The following PTPRD variants were observed in gnomAD, a reference collection of about 807,000 sequenced individuals.
PTPRD encodes protein tyrosine phosphatase receptor type D, also known as receptor-type tyrosine-protein phosphatase delta.
Under a neutral mutation model 214.5 loss-of-function variants are expected in PTPRD, and 34 were observed. The ratio of observed to expected loss-of-function variants is 0.16; its 90% confidence interval spans 0.12 to 0.21. The LOEUF is 0.21. Among genes scored for constraint, PTPRD ranks in the 10% least tolerant of loss-of-function variants. PTPRD has a pLI of 1.00. For synonymous variants in PTPRD, 1,128 were observed against 845.7 expected (o/e 1.33, Z -5.79); for missense variants, 2,545 against 2,398.7 (o/e 1.06, Z -1.27).
chr9:8,660,332 T>C (rs73640934), intron 12 of PTPRD, among the ~76,000 whole-genome samples: 1,698 of 152,266 alleles, frequency 0.011, 33 homozygotes, highest in African/African-American at 0.038. Context: ...ATGTATTATT[T>C]GTTTTCCTTT....
At chr9:9,262,694 A>G (rs1337936900) in intron 9 of PTPRD, among the ~76,000 whole-genome samples, 2 of 151,662 alleles carry the variant, frequency 1.3e-5, no homozygotes, top group African/African-American at 4.8e-5. Context: ...GAAAAATCAG[A>G]GGTTCTTTTA....
chr9:10,321,835 A>G (rs2096558353), intron 3 of PTPRD, among the ~76,000 whole-genome samples: 1 of 152,062 alleles, frequency 6.6e-6, no homozygotes, highest in African/African-American at 2.4e-5. Flanking sequence ...ATTACTGAAT[A>G]TCATGGGTAA....
At chr9:9,745,279 C>T (rs2098445868) in intron 6 of PTPRD, among the ~76,000 whole-genome samples, 1 of 152,002 alleles carries the variant, frequency 6.6e-6, no homozygotes, top group African/African-American at 2.4e-5. Context: ...GCCTTAAATG[C>T]TGTGGACTAT....
intron 14 of PTPRD, among the ~76,000 whole-genome samples, chr9:8,531,553 G>A (rs2075698337): frequency 6.6e-6 from 1 of 152,044 alleles, no homozygotes; most frequent in African/African-American, 2.4e-5. Context: ...AAAGCTCTTA[G>A]ATTTTGTTGT....
chr9:9,707,518 T>TG (rs1420492837), intron 7 of PTPRD, among the ~76,000 whole-genome samples: 5 of 152,122 alleles, frequency 3.3e-5, no homozygotes, highest in African/African-American at 1.2e-4. Flanking sequence ...TAAACAATGC[T>TG]GGCATACTCA....
intron 39 of PTPRD, among the ~76,000 whole-genome samples, chr9:8,370,659 G>GAATC (rs2081267298): frequency 1.3e-5 from 2 of 151,812 alleles, no homozygotes; most frequent in Admixed American, 1.3e-4. Context: ...ATGTGGTATG[G>GAATC]AATCAGAAAG....
chr9:8,839,570 C>G (rs901800962), intron 11 of PTPRD, among the ~76,000 whole-genome samples: 3 of 152,154 alleles, frequency 2.0e-5, no homozygotes, highest in Non-Finnish European at 4.4e-5. Context: ...AGTGATCCAC[C>G]CACCTTGGCC....
rs559129659 is a variant in PTPRD, at chr9:10,450,544, C to T, written c.-599-109527G>A. Among the ~76,000 whole-genome samples, 7 of 152,042 alleles carry T rather than the reference C, an allele frequency of 4.6e-5. No individual in the cohort carries two copies. The East Asian group carries it at 5.8e-4, about 13-fold the overall frequency. The stretch of plus-strand genomic sequence containing the variant: ...TCCCTAATCTGTAGTTTATATTTTA[C>T]GAATCCTTAGGTATGCAAAAACTGA... On this transcript the variant is annotated intron_variant, in intron 2 of 45. Transcript: ENST00000381196.
At chr9:10,455,720 A>G (rs1012961660) in intron 2 of PTPRD, among the ~76,000 whole-genome samples, 11 of 151,776 alleles carry the variant, frequency 7.2e-5, no homozygotes, top group African/African-American at 2.7e-4. Flanking sequence ...ATTCTGTGAA[A>G]TGATTGGTAA....
chr9:9,762,767 A>G (rs2098670555), intron 6 of PTPRD, among the ~76,000 whole-genome samples: 1 of 152,242 alleles, frequency 6.6e-6, no homozygotes, highest in African/African-American at 2.4e-5. Context: ...ATGTGAAGAC[A>G]CTTCCAGATT....
At chr9:8,774,764 C>T (rs144278273) in intron 11 of PTPRD, among the ~76,000 whole-genome samples, 6,395 of 152,066 alleles carry the variant, frequency 0.042, 309 homozygotes, top group African/African-American at 0.12. Context: ...AAACTCCCAA[C>T]CTCAGGTGAT....
intron 8 of PTPRD, among the ~76,000 whole-genome samples, chr9:9,416,151 C>G (rs1159610478): frequency 2.6e-5 from 4 of 152,116 alleles, no homozygotes; most frequent in South Asian, 2.1e-4. Context: ...AGCTTCCATC[C>G]TCTCATTTCT....
intron 11 of PTPRD, among the ~76,000 whole-genome samples, chr9:8,992,874 G>A (rs1386350973): frequency 6.6e-6 from 1 of 152,128 alleles, no homozygotes; most frequent in African/African-American, 2.4e-5. Flanking sequence ...CAAGCTTGGA[G>A]GTAATATGGC....
At chr9:10,439,193 G>C (rs571810416) in intron 2 of PTPRD, among the ~76,000 whole-genome samples, 1 of 151,676 alleles carries the variant, frequency 6.6e-6, no homozygotes, top group Non-Finnish European at 1.5e-5. Flanking sequence ...AGAGACCTTC[G>C]TTCAGACTCC....
intron 4 of PTPRD, among the ~76,000 whole-genome samples, chr9:9,943,117 C>T (rs1603228917): frequency 1.3e-5 from 2 of 152,038 alleles, no homozygotes. Context: ...GAGACAATAT[C>T]GTAGTACAAT....
chr9:8,958,141 A>G (rs538191609), intron 11 of PTPRD, among the ~76,000 whole-genome samples: 1 of 151,988 alleles, frequency 6.6e-6, no homozygotes, highest in South Asian at 2.1e-4. Context: ...CAGGTGCTAA[A>G]TGTGTGCTTT....
intron 5 of PTPRD, among the ~76,000 whole-genome samples, chr9:9,898,063 G>A (rs934648970): frequency 6.6e-5 from 10 of 152,076 alleles, no homozygotes; most frequent in Admixed American, 6.6e-4. Flanking sequence ...TTATGTAATA[G>A]TAAGAATATC....
At chr9:9,886,379 A>G (rs2070928784) in intron 5 of PTPRD, among the ~76,000 whole-genome samples, 1 of 152,114 alleles carries the variant, frequency 6.6e-6, no homozygotes, top group Non-Finnish European at 1.5e-5. Flanking sequence ...AGCTTTCTTC[A>G]CATGTGGACA....
chr9:9,488,598 G>C (rs1326143775), intron 8 of PTPRD, among the ~76,000 whole-genome samples: 2 of 152,110 alleles, frequency 1.3e-5, no homozygotes, highest in African/African-American at 4.8e-5. Flanking sequence ...AAAGTTAAAA[G>C]TAACTGGGGA....
Sources: gnomAD v4.1 joint callset for allele counts (sites outside exome capture counted in the v4.1 genomes callset) on GRCh38, gnomAD v4.1.1 for gene constraint, MANE v1.5 for transcripts, NCBI Gene and HGNC (gene_info 2026-07-23, HGNC 2026-07-21) for gene names.